Variants in PAM observed in about 807,000 individuals in gnomAD.
PAM encodes peptidylglycine alpha-amidating monooxygenase, also known as peptidyl-glycine alpha-amidating monooxygenase.
A neutral mutation model predicts 122.1 loss-of-function variants in PAM; 72 were observed. The ratio of observed to expected loss-of-function variants is 0.59; its 90% CI spans 0.49 to 0.72. The LOEUF is 0.72. Among genes scored for constraint, PAM ranks in the 30% least tolerant of loss-of-function variants. PAM has a pLI of 0.00. For synonymous variants in PAM, 389 were observed against 404.4 expected (o/e 0.96, Z 0.46); for missense variants, 1,106 against 1,183.7 (o/e 0.93, Z 0.96).
intron 12 of PAM, among the ~76,000 whole-genome samples, chr5:102,952,136 A>G (rs1759132912): frequency 6.6e-6 from 1 of 151,836 alleles, no homozygotes; most frequent in Non-Finnish European, 1.5e-5. Context: ...CCCTTTCAAC[A>G]CATTACCTGC....
chr5:102,942,496 G>GAGA (rs1298899005), intron 7 of PAM, among the ~76,000 whole-genome samples: 4 of 152,030 alleles, frequency 2.6e-5, no homozygotes, highest in African/African-American at 9.7e-5. Flanking sequence ...AGAGAAAGTA[G>GAGA]AGAAGGTGGC....
intron 3 of PAM, among the ~76,000 whole-genome samples, chr5:102,892,296 G>A (rs527488774): frequency 4.6e-5 from 7 of 151,912 alleles, no homozygotes; most frequent in African/African-American, 1.7e-4. Flanking sequence ...GCTGAAAGAT[G>A]GAAAGAACCT....
chr5:102,961,090 C>T (rs1486903931), intron 13 of PAM, 68 bp from the exon 14 acceptor site: 1 of 792,578 alleles, frequency 1.3e-6, no homozygotes, highest in East Asian at 2.5e-5. Flanking sequence ...TGGACTATTT[C>T]CAATAAACTA....
chr5:102,938,216 G>C (rs545734582), intron 7 of PAM, among the ~76,000 whole-genome samples: 8 of 152,144 alleles, frequency 5.3e-5, no homozygotes, highest in African/African-American at 1.9e-4. Context: ...TGATTCTCTA[G>C]CTTGCTGCAT....
intron 1 of PAM, among the ~76,000 whole-genome samples, chr5:102,841,982 C>A (rs927229267): frequency 2.6e-5 from 4 of 152,000 alleles, no homozygotes; most frequent in African/African-American, 9.7e-5. Context: ...TACGGCTATA[C>A]ACAAAAATTG....
At chr5:102,824,316 A>T (rs1382475847) in intron 1 of PAM, among the ~76,000 whole-genome samples, 1 of 152,218 alleles carries the variant, frequency 6.6e-6, no homozygotes, top group Non-Finnish European at 1.5e-5. Context: ...GTATTTATTC[A>T]TATCACATTT....
At chr5:102,789,784 G>A (rs1245060784) in intron 1 of PAM, among the ~76,000 whole-genome samples, 3 of 151,954 alleles carry the variant, frequency 2.0e-5, no homozygotes, top group African/African-American at 4.8e-5. Flanking sequence ...TGGTTAAAGT[G>A]GCTAATTCTA....
At chr5:102,949,824 A>G in intron 10 of PAM, 78 bp from the exon 11 acceptor site, 2 of 807,848 alleles carry the variant, frequency 2.5e-6, no homozygotes, top group Non-Finnish European at 4.2e-6. Context: ...TTTCTACTTT[A>G]AAGTAGGAAA....
chr5:102,891,831 T>G (rs1581395999), intron 3 of PAM, among the ~76,000 whole-genome samples: 1 of 151,840 alleles, frequency 6.6e-6, no homozygotes, highest in Non-Finnish European at 1.5e-5. Context: ...TCTGAACAGG[T>G]CAATACATTG....
intron 1 of PAM, among the ~76,000 whole-genome samples, chr5:102,858,330 A>T (rs572319839): frequency 1.3e-5 from 2 of 152,356 alleles, no homozygotes; most frequent in South Asian, 4.1e-4. Context: ...TTTACCCTTC[A>T]GAAGACATTT....
intron 3 of PAM, 144 bp downstream of exon 3, chr5:102,867,537 A>C: frequency 2.0e-6 from 1 of 501,974 alleles, no homozygotes; most frequent in East Asian, 3.2e-5. Flanking sequence ...GAATAATTGA[A>C]TATTTTAAAG....
intron 1 of PAM, among the ~76,000 whole-genome samples, chr5:102,759,588 A>G (rs919936297): frequency 2.0e-5 from 3 of 152,220 alleles, no homozygotes; most frequent in African/African-American, 7.2e-5. Flanking sequence ...TCTCCCAAAT[A>G]TGAACTAACC....
At chr5:102,963,682 G>A (rs1448535437) in intron 14 of PAM, among the ~76,000 whole-genome samples, 1 of 151,782 alleles carries the variant, frequency 6.6e-6, no homozygotes, top group East Asian at 1.9e-4. Context: ...TGTGGGGTAG[G>A]AAGAAAAGAC....
chr5:102,823,427 G>GT (rs769443451), intron 1 of PAM, among the ~76,000 whole-genome samples: 2 of 152,086 alleles, frequency 1.3e-5, no homozygotes, highest in African/African-American at 2.4e-5. Flanking sequence ...AAGCCTAAAA[G>GT]TTTTTTCTCC....
chr5:102,758,993 C>T (rs1561365645), intron 1 of PAM, among the ~76,000 whole-genome samples: 1 of 152,192 alleles, frequency 6.6e-6, no homozygotes, highest in East Asian at 1.9e-4. Flanking sequence ...CCACACTAAA[C>T]GTTTGGCTTT....
chr5:102,758,062 C>G (rs1402457220), intron 1 of PAM, among the ~76,000 whole-genome samples: 1 of 72,712 alleles, frequency 1.4e-5, no homozygotes, highest in South Asian at 4.3e-4. Context: ...AAAAAAAAGA[C>G]TTAGAATTTT....
At chr5:103,001,062 G>A (rs1331327693) in intron 16 of PAM, among the ~76,000 whole-genome samples, 1 of 152,106 alleles carries the variant, frequency 6.6e-6, no homozygotes, top group Non-Finnish European at 1.5e-5. Flanking sequence ...GATAGTGAAT[G>A]AAGAAACTTT....
intron 3 of PAM, among the ~76,000 whole-genome samples, chr5:102,899,326 T>C (rs1797031447): frequency 6.6e-6 from 1 of 151,662 alleles, no homozygotes; most frequent in South Asian, 2.1e-4. Flanking sequence ...CTGTATTATA[T>C]GTGACCATCA....
At chr5:102,777,577 G>A (rs577094822) in intron 1 of PAM, among the ~76,000 whole-genome samples, 1 of 152,232 alleles carries the variant, frequency 6.6e-6, no homozygotes, top group African/African-American at 2.4e-5. Flanking sequence ...TTCTACTAGA[G>A]AATTTAAAAA....
Sources: gnomAD v4.1 joint callset for allele counts (sites outside exome capture counted in the v4.1 genomes callset) on GRCh38, gnomAD v4.1.1 for gene constraint, MANE v1.5 for transcripts, NCBI Gene and HGNC (gene_info 2026-07-23, HGNC 2026-07-21) for gene names.